Variants in MAST2 observed in about 807,000 individuals in gnomAD.
MAST2 encodes microtubule-associated serine/threonine-protein kinase 2.
In MAST2, 70 loss-of-function variants were observed where a neutral mutation model predicts 147.4. That is an observed-to-expected ratio of 0.47 (90% CI 0.39 to 0.58). MAST2 has a LOEUF of 0.58. MAST2 is among the 20% of genes least tolerant of loss of function. The pLI is 0.00. For synonymous variants in MAST2, 869 were observed against 896.8 expected, an observed-to-expected ratio of 0.97 and a Z score of 0.55; for missense variants, 2,080 against 2,302.3, an observed-to-expected ratio of 0.90 and a Z score of 1.98.
intron 5 of MAST2, among the ~76,000 whole-genome samples, chr1:45,996,217 G>A (rs1198605978): frequency 1.3e-5 from 2 of 151,768 alleles, no homozygotes; most frequent in Non-Finnish European, 2.9e-5. Flanking sequence ...GCTGGTCATT[G>A]TAGGATGCTC....
chr1:45,926,480 G>C (rs965492149), intron 4 of MAST2, among the ~76,000 whole-genome samples: 41 of 152,322 alleles, frequency 2.7e-4, no homozygotes, highest in African/African-American at 9.9e-4. Context: ...GTGAGGCAGT[G>C]GCAGCTGGGT....
intron 3 of MAST2, among the ~76,000 whole-genome samples, chr1:45,844,018 T>C (rs1250928141): frequency 6.6e-6 from 1 of 152,230 alleles, no homozygotes; most frequent in Non-Finnish European, 1.5e-5. Context: ...TTGTAAAGAA[T>C]TTAAGATACC....
chr1:45,889,952 C>G (rs973922763), intron 4 of MAST2, among the ~76,000 whole-genome samples: 1 of 152,088 alleles, frequency 6.6e-6, no homozygotes, highest in Non-Finnish European at 1.5e-5. Flanking sequence ...ACCATGTTGG[C>G]CATGATGGTC....
At chr1:45,926,574 T>C (rs1654398636) in intron 4 of MAST2, among the ~76,000 whole-genome samples, 1 of 152,126 alleles carries the variant, frequency 6.6e-6, no homozygotes, top group South Asian at 2.1e-4. Context: ...TGGACTGAAA[T>C]GAAAAACACT....
At chr1:45,960,325 A>C (rs567791066) in intron 5 of MAST2, among the ~76,000 whole-genome samples, 1 of 152,218 alleles carries the variant, frequency 6.6e-6, no homozygotes, top group African/African-American at 2.4e-5. Context: ...CCTGGGCAAC[A>C]TGGCAAAACC....
At chr1:45,817,099 C>A (rs1006576418) in intron 1 of MAST2, among the ~76,000 whole-genome samples, 1 of 152,002 alleles carries the variant, frequency 6.6e-6, no homozygotes, top group South Asian at 2.1e-4. Context: ...AAAATAGCCT[C>A]CAAAAGGCAA....
intron 5 of MAST2, among the ~76,000 whole-genome samples, chr1:45,988,754 G>A (rs980186394): frequency 6.6e-6 from 1 of 152,030 alleles, no homozygotes; most frequent in Non-Finnish European, 1.5e-5. Context: ...AAGTTGTTCC[G>A]TTTTGGCCAT....
intron 1 of MAST2, among the ~76,000 whole-genome samples, chr1:45,810,772 C>T (rs1348242835): frequency 1.6e-5 from 2 of 124,948 alleles, no homozygotes; most frequent in Middle Eastern, 7.2e-3. Flanking sequence ...GATCGCGCCA[C>T]GGTACTCCAT....
At position 46,027,897 on chromosome 1, in the gene MAST2, A is replaced by G. The variant is rs1249250626; in HGVS notation, c.2052+34A>G. 2.5e-6 allele frequency: 4 copies of G among 1,611,726 alleles called. No individual in the cohort carries two copies. In the Admixed American group the frequency reaches 5.0e-5, roughly 20 times the overall value. On this transcript the variant is annotated intron_variant, in intron 17 of 28. Coordinates refer to ENST00000361297, the MANE Select transcript of MAST2 (RefSeq NM_015112.3). ...GGGTAGTTGATACACTGGGGGTTAA[A>G]TTCTAGGCCCTTGTCCTGGCGCAGT... is the stretch of plus-strand genomic sequence containing the variant.
chr1:45,889,666 C>T (rs980320266), intron 4 of MAST2, among the ~76,000 whole-genome samples: 15 of 151,934 alleles, frequency 9.9e-5, no homozygotes, highest in Admixed American at 2.6e-4. Flanking sequence ...AGTACAGTGA[C>T]GCAATCTTGG....
chr1:45,993,640 C>T (rs1275086452), intron 5 of MAST2, among the ~76,000 whole-genome samples: 1 of 152,032 alleles, frequency 6.6e-6, no homozygotes, highest in African/African-American at 2.4e-5. Context: ...GCCAAGGTTG[C>T]GCCATTGCAC....
chr1:45,932,470 T>A (rs1437104814), intron 4 of MAST2, among the ~76,000 whole-genome samples: 2 of 152,070 alleles, frequency 1.3e-5, no homozygotes. Context: ...GGTCAGGAGT[T>A]CAAGACCAGC....
intron 3 of MAST2, among the ~76,000 whole-genome samples, chr1:45,831,266 A>G (rs929152314): frequency 6.6e-6 from 1 of 152,182 alleles, no homozygotes; most frequent in Non-Finnish European, 1.5e-5. Flanking sequence ...GTAGGGTACA[A>G]TAACAGAAAC....
In MAST2 at chr1:45,903,126, C is replaced by CTTTTTTTTT. The variant is rs34621764; in HGVS notation, c.500+20744_500+20752dup. On this transcript the variant is annotated intron_variant, in intron 4 of 28. Coordinates refer to ENST00000361297, the MANE Select transcript of MAST2 (RefSeq NM_015112.3). ...AGCATTTAGCACTATAAATTTTTGT[C>CTTTTTTTTT]TTTTTTTTTTTTTTTTTTTTTGGAG... 2.0e-4 allele frequency among the ~76,000 whole-genome samples: 16 copies of CTTTTTTTTT among 79,322 alleles called. 2 individuals are homozygous for CTTTTTTTTT. Among genetic ancestry groups the CTTTTTTTTT allele is most frequent in the Admixed American group, 3.8e-4 (2 of 5,208 alleles). 52.0% of individuals were successfully genotyped at this position (79,322 alleles called of 152,430 possible).
intron 4 of MAST2, among the ~76,000 whole-genome samples, chr1:45,925,342 T>G (rs535185110): frequency 6.6e-6 from 1 of 152,350 alleles, no homozygotes; most frequent in South Asian, 2.1e-4. Context: ...ATGGGTATGA[T>G]GAACCTTAAG....
chr1:46,030,275 T>C (rs1364939759), intron 21 of MAST2, 37 bp downstream of exon 21: 1 of 1,594,698 alleles, frequency 6.3e-7, no homozygotes, highest in Non-Finnish European at 8.6e-7. Context: ...CAGAACAGGC[T>C]GGAGGATCAG....
At chr1:46,028,167 G>A (rs1557504622) in intron 17 of MAST2, among the ~76,000 whole-genome samples, 1 of 152,202 alleles carries the variant, frequency 6.6e-6, no homozygotes, top group Admixed American at 6.5e-5. Context: ...TTGGAAAACA[G>A]GATGAGCCTT....
chr1:45,816,123 A>T (rs1285280869), intron 1 of MAST2, among the ~76,000 whole-genome samples: 1 of 151,892 alleles, frequency 6.6e-6, no homozygotes, highest in Non-Finnish European at 1.5e-5. Flanking sequence ...CAGATAGGAG[A>T]TCTGGAAAAG....
At chr1:45,864,621 T>C (rs1646084376) in intron 3 of MAST2, among the ~76,000 whole-genome samples, 1 of 152,220 alleles carries the variant, frequency 6.6e-6, no homozygotes, top group Non-Finnish European at 1.5e-5. Context: ...TCTGAAGAAT[T>C]GTCATCTTTT....
Sources: gnomAD v4.1 joint callset for allele counts (sites outside exome capture counted in the v4.1 genomes callset) on GRCh38, gnomAD v4.1.1 for gene constraint, MANE v1.5 for transcripts, NCBI Gene and HGNC (gene_info 2026-07-23, HGNC 2026-07-21) for gene names.